The following PCBP3 variants were observed in gnomAD, a reference collection of about 807,000 sequenced individuals.
The protein encoded by PCBP3 is poly(rC) binding protein 3.
A neutral mutation model predicts 52.7 loss-of-function variants in PCBP3; 25 were observed. The observed-to-expected ratio is 0.47, with a 90% CI of 0.35 to 0.66. The LOEUF (loss-of-function observed/expected upper bound fraction) is 0.66, where lower values mean the gene tolerates loss of function less well. Among genes scored for constraint, PCBP3 ranks in the 30% least tolerant of loss-of-function variants. The pLI is 0.01. For missense variants in PCBP3, 391 were observed against 490.3 expected, an observed-to-expected ratio of 0.80 and a Z score of 1.91; for synonymous variants, 162 against 183.0, an observed-to-expected ratio of 0.89 and a Z score of 0.93.
chr21:45,910,314 C>A (rs1380192429), intron 10 of PCBP3, among the ~76,000 whole-genome samples: 1 of 151,048 alleles, frequency 6.6e-6, no homozygotes, highest in African/African-American at 2.4e-5. Flanking sequence ...CAGGGAGGAA[C>A]TAGCTGGTCA....
At chr21:45,682,243 C>A (rs972202063) in intron 2 of PCBP3, among the ~76,000 whole-genome samples, 1 of 152,196 alleles carries the variant, frequency 6.6e-6, no homozygotes, top group African/African-American at 2.4e-5. Flanking sequence ...TATGAACACC[C>A]AGGGAATTCA....
intron 4 of PCBP3, among the ~76,000 whole-genome samples, chr21:45,789,297 C>T (rs150822815): frequency 8.3e-4 from 126 of 152,152 alleles, no homozygotes; most frequent in African/African-American, 2.9e-3. Flanking sequence ...GTAGTGTACC[C>T]GCATGTGTGC....
chr21:45,884,433 A>G (rs1442599543), intron 5 of PCBP3, among the ~76,000 whole-genome samples: 1 of 152,220 alleles, frequency 6.6e-6, no homozygotes. Flanking sequence ...TACTAAGTAT[A>G]TAGCATATAT....
At chr21:45,699,486 C>T (rs1465473773) in intron 2 of PCBP3, among the ~76,000 whole-genome samples, 1 of 152,194 alleles carries the variant, frequency 6.6e-6, no homozygotes, top group Non-Finnish European at 1.5e-5. Flanking sequence ...GAGAAAGAGG[C>T]AGTAAGAGAG....
chr21:45,844,644 G>A (rs1407784338), intron 4 of PCBP3, among the ~76,000 whole-genome samples: 3 of 152,048 alleles, frequency 2.0e-5, no homozygotes, highest in Non-Finnish European at 2.9e-5. Flanking sequence ...CAAGGGCAGC[G>A]TGGCTTCCTC....
At chr21:45,758,761 G>T (rs1292197189) in intron 4 of PCBP3, among the ~76,000 whole-genome samples, 1 of 151,860 alleles carries the variant, frequency 6.6e-6, no homozygotes, top group Non-Finnish European at 1.5e-5. Context: ...TACTTACTGG[G>T]ATCCCCAGTG....
At chr21:45,824,402 G>C (rs180714583) in intron 4 of PCBP3, among the ~76,000 whole-genome samples, 52 of 152,316 alleles carry the variant, frequency 3.4e-4, no homozygotes, top group Non-Finnish European at 2.9e-4. Context: ...ATGTCAGAAA[G>C]GTTGGCTTTA....
At chr21:45,841,999 C>T (rs1353954946) in intron 4 of PCBP3, among the ~76,000 whole-genome samples, 1 of 152,214 alleles carries the variant, frequency 6.6e-6, no homozygotes, top group Non-Finnish European at 1.5e-5. Flanking sequence ...CTGGGGCTCA[C>T]CTCCTCTGGA....
chr21:45,885,242 C>T (rs1021518509), intron 5 of PCBP3, among the ~76,000 whole-genome samples: 13 of 152,142 alleles, frequency 8.5e-5, no homozygotes, highest in Non-Finnish European at 1.8e-4. Context: ...CCGTGCTTCT[C>T]GCCTGAAATC....
chr21:45,868,432 T>TTTTA (rs763519476), intron 5 of PCBP3, among the ~76,000 whole-genome samples: 2 of 136,232 alleles, frequency 1.5e-5, no homozygotes, highest in African/African-American at 5.6e-5. Context: ...TTTTTTTTTT[T>TTTTA]AAATAAAGGA....
chr21:45,743,893 G>A (rs1223137582), intron 3 of PCBP3, among the ~76,000 whole-genome samples: 1 of 152,042 alleles, frequency 6.6e-6, no homozygotes, highest in Non-Finnish European at 1.5e-5. Flanking sequence ...GTTTAGAAAT[G>A]CAAATGTTAT....
intron 4 of PCBP3, among the ~76,000 whole-genome samples, chr21:45,757,404 AATAT>A (rs1425637979): frequency 1.3e-5 from 2 of 152,092 alleles, no homozygotes; most frequent in Admixed American, 1.3e-4. Context: ...AGGTTTTTTA[AATAT>A]ATATATTCTG....
At chr21:45,910,067 C>T (rs1268823715) in intron 10 of PCBP3, among the ~76,000 whole-genome samples, 1 of 696 alleles carries the variant, frequency 1.4e-3, no homozygotes, top group Non-Finnish European at 2.5e-3. Context: ...TGCCCAGATA[C>T]GGACCCCCCC....
chr21:45,835,988 C>T (rs1324735629), intron 4 of PCBP3, among the ~76,000 whole-genome samples: 1 of 152,192 alleles, frequency 6.6e-6, no homozygotes, highest in East Asian at 1.9e-4. Flanking sequence ...AGCTGCCCAT[C>T]TTTCAGAATA....
At chr21:45,897,220 C>T (rs2095856562) in intron 6 of PCBP3, among the ~76,000 whole-genome samples, 1 of 152,240 alleles carries the variant, frequency 6.6e-6, no homozygotes, top group South Asian at 2.1e-4. Flanking sequence ...CACAACCACA[C>T]ACAGCCATCA....
intron 2 of PCBP3, among the ~76,000 whole-genome samples, chr21:45,709,053 G>T (rs2083648353): frequency 6.6e-6 from 1 of 152,208 alleles, no homozygotes; most frequent in Non-Finnish European, 1.5e-5. Flanking sequence ...TAGCCTTTCT[G>T]GGCCTCCGTT....
chr21:45,691,707 A>G lies in PCBP3; in HGVS notation c.-200+22755A>G, dbSNP rs142183286. Reference sequence around the variant, plus strand: ...ATATGAGCTATAACAACCCTTCTAGATAAGCTAAAAATAAGCCAGTAATTC... The same window carrying G: ...ATATGAGCTATAACAACCCTTCTAGGTAAGCTAAAAATAAGCCAGTAATTC... On this transcript the variant is annotated intron_variant, in intron 2 of 17. Coordinates refer to ENST00000681687, the MANE Select transcript of PCBP3 (RefSeq NM_001384156.1). Among the ~76,000 whole-genome samples, 875 of 152,230 alleles carry G rather than the reference A, an allele frequency of 5.7e-3. 9 individuals carry two copies. Among genetic ancestry groups the G allele is most frequent in the African/African-American group, 0.02 (844 of 41,538 alleles).
intron 2 of PCBP3, among the ~76,000 whole-genome samples, chr21:45,692,061 C>T (rs2082514428): frequency 6.6e-6 from 1 of 152,076 alleles, no homozygotes; most frequent in South Asian, 2.1e-4. Flanking sequence ...ATTTTGAATC[C>T]ATAGTATGTG....
At chr21:45,893,246 G>A (rs2095726456) in intron 5 of PCBP3, among the ~76,000 whole-genome samples, 1 of 151,876 alleles carries the variant, frequency 6.6e-6, no homozygotes, top group South Asian at 2.1e-4. Context: ...GGAGGGAGGG[G>A]GCTCTGTGTT....
Sources: gnomAD v4.1 joint callset for allele counts (sites outside exome capture counted in the v4.1 genomes callset) on GRCh38, gnomAD v4.1.1 for gene constraint, MANE v1.5 for transcripts, NCBI Gene and HGNC (gene_info 2026-07-23, HGNC 2026-07-21) for gene names.